Variants in RASEF observed in about 807,000 individuals in gnomAD.
RASEF encodes the protein RAS and EF-hand domain containing.
Under a neutral mutation model 90.1 loss-of-function variants are expected in RASEF, and 68 were observed. The observed-to-expected ratio is 0.75, with a 90% CI of 0.62 to 0.92. The LOEUF is 0.92. RASEF is among the 40% of genes least tolerant of loss of function. The pLI, the probability that RASEF is intolerant of heterozygous loss-of-function variation, is 0.00. For missense variants in RASEF, 949 were observed against 937.2 expected, an observed-to-expected ratio of 1.01 and a Z score of -0.16; for synonymous variants, 331 against 345.2, an observed-to-expected ratio of 0.96 and a Z score of 0.46.
chr9:83,014,631 T>C (rs1829310505), intron 4 of RASEF, among the ~76,000 whole-genome samples: 1 of 152,162 alleles, frequency 6.6e-6, no homozygotes, highest in African/African-American at 2.4e-5. Context: ...ATGATCCTTT[T>C]TTAATTATCC....
the RASEF span, among the ~76,000 whole-genome samples, chr9:83,165,240 C>T: frequency 1.3e-5 from 2 of 152,156 alleles, no homozygotes; most frequent in African/African-American, 4.8e-5. Flanking sequence ...TCACCAAAAA[C>T]AGATCATATT....
chr9:82,983,107 C>CCCCACACACACACA (rs1340706939), intron 16 of RASEF, among the ~76,000 whole-genome samples: 1 of 128,560 alleles, frequency 7.8e-6, no homozygotes, highest in African/African-American at 3.0e-5. Flanking sequence ...GAGTACCAGG[C>CCCCACACACACACA]CACACACACA....
chr9:83,119,077 G>A, the RASEF span, among the ~76,000 whole-genome samples: 6 of 147,246 alleles, frequency 4.1e-5, no homozygotes, highest in African/African-American at 1.3e-4. Context: ...GTGTGATCTC[G>A]GCCCACTGCA....
the RASEF span, among the ~76,000 whole-genome samples, chr9:83,149,348 G>A: frequency 6.6e-6 from 1 of 152,176 alleles, no homozygotes; most frequent in South Asian, 2.1e-4. Flanking sequence ...AAGAAATACA[G>A]CATGTGGGGA....
intron 9 of RASEF, among the ~76,000 whole-genome samples, chr9:83,002,978 T>G (rs1019687594): frequency 2.6e-5 from 4 of 152,160 alleles, no homozygotes; most frequent in African/African-American, 9.7e-5. Flanking sequence ...TCAACCATCT[T>G]GCCAACACTC....
chr9:83,117,503 C>T, the RASEF span, among the ~76,000 whole-genome samples: 1 of 152,170 alleles, frequency 6.6e-6, no homozygotes, highest in South Asian at 2.1e-4. Flanking sequence ...TAGATGTTTC[C>T]TGCTGAGCGT....
chr9:83,114,756 G>A, the RASEF span, among the ~76,000 whole-genome samples: 1 of 152,128 alleles, frequency 6.6e-6, no homozygotes, highest in Non-Finnish European at 1.5e-5. Flanking sequence ...ATAAATTTTG[G>A]TCAGACCGGT....
chr9:83,180,775 T>C, the RASEF span, among the ~76,000 whole-genome samples: 2 of 151,996 alleles, frequency 1.3e-5, no homozygotes, highest in South Asian at 4.1e-4. Flanking sequence ...TATACTCAAC[T>C]GAGGGAGAAA....
chr9:83,075,937 A>G, the RASEF span, among the ~76,000 whole-genome samples: 1 of 152,124 alleles, frequency 6.6e-6, no homozygotes, highest in Non-Finnish European at 1.5e-5. Flanking sequence ...TGGGAGGACA[A>G]GGTGGGCAGA....
At chr9:83,001,441 T>C (rs1220027955) in intron 9 of RASEF, among the ~76,000 whole-genome samples, 4 of 152,186 alleles carry the variant, frequency 2.6e-5, no homozygotes, top group Admixed American at 1.3e-4. Flanking sequence ...CAATCGCAAG[T>C]TGTATTCATA....
chr9:82,991,563 G>C lies in RASEF; in HGVS notation c.2041-1096C>G, dbSNP rs79627416. 5.1e-3 allele frequency among the ~76,000 whole-genome samples: 769 copies of C among 152,234 alleles called. 8 individuals carry two copies. Among genetic ancestry groups the C allele is most frequent in the African/African-American group, 0.018 (743 of 41,534 alleles). ...AGAACAGGGAGAATGAGAAAAGCCA[G>C]GAAATGGGGAAAAATGCCACAATGG... On this transcript the variant is annotated intron_variant, in intron 15 of 16. Transcript: ENST00000376447.
chr9:83,032,540 T>C (rs1035320335), intron 1 of RASEF, among the ~76,000 whole-genome samples: 3 of 152,244 alleles, frequency 2.0e-5, no homozygotes, highest in Non-Finnish European at 4.4e-5. Context: ...AATTTGTGTC[T>C]GAAGATATCA....
the RASEF span, among the ~76,000 whole-genome samples, chr9:83,074,683 G>A: frequency 3.9e-5 from 6 of 152,340 alleles, no homozygotes; most frequent in East Asian, 9.6e-4. Context: ...GAAAATGGCT[G>A]AGTAGCTGTG....
chr9:82,997,600 G>C (rs950537094), intron 13 of RASEF, among the ~76,000 whole-genome samples: 8 of 152,158 alleles, frequency 5.3e-5, no homozygotes. Context: ...TACATACATG[G>C]GGGTCAGGAG....
the RASEF span, among the ~76,000 whole-genome samples, chr9:83,157,605 T>C: frequency 6.6e-6 from 1 of 152,208 alleles, no homozygotes; most frequent in African/African-American, 2.4e-5. Flanking sequence ...TAGTCTGTAG[T>C]ATTATGTTAT....
chr9:83,076,496 A>T, the RASEF span, among the ~76,000 whole-genome samples: 1 of 151,992 alleles, frequency 6.6e-6, no homozygotes. Context: ...CCACCAACAT[A>T]TTTGTTGAGA....
In RASEF at chr9:83,015,916, A is replaced by T. The variant is rs753451216; in HGVS notation, c.670-16T>A. 1 of 1,584,864 alleles carries T rather than the reference A, an allele frequency of 6.3e-7. No individual in the cohort carries two copies. The highest frequency in any genetic ancestry group is 8.7e-7 in the Non-Finnish European group (1 of 1,155,984). On this transcript the variant is annotated splice_polypyrimidine_tract_variant and intron_variant, in intron 3 of 16. Coordinates refer to ENST00000376447, the MANE Select transcript of RASEF (RefSeq NM_152573.4). The stretch of plus-strand genomic sequence containing the variant: ...TGCGTTTTTCCTAAAAGAAAAAAAA[A>T]TATGTTGTTCATTTAAATAAGTTCA...
the RASEF span, among the ~76,000 whole-genome samples, chr9:83,076,943 TTA>T: frequency 3.8e-3 from 579 of 152,342 alleles, 2 homozygotes; most frequent in African/African-American, 0.013. Context: ...TGAAAAATTT[TTA>T]GTTTTAATTT....
intron 9 of RASEF, among the ~76,000 whole-genome samples, chr9:83,003,957 T>G (rs1031786769): frequency 9.2e-5 from 14 of 152,206 alleles, no homozygotes; most frequent in African/African-American, 3.4e-4. Flanking sequence ...AGGCCTAATA[T>G]TTCAGTTCAT....
Sources: allele counts gnomAD v4.1 joint callset (sites outside exome capture counted in the v4.1 genomes callset), GRCh38; gene constraint gnomAD v4.1.1; transcripts MANE v1.5; gene names NCBI Gene and HGNC (gene_info 2026-07-23, HGNC 2026-07-21).